The following ADARB2 variants were observed in gnomAD, a reference collection of about 807,000 sequenced individuals.
ADARB2 encodes inactive double-stranded RNA-specific editase B2.
In ADARB2, 25 loss-of-function variants were observed where a neutral mutation model predicts 62.2. That is an observed-to-expected ratio of 0.40 (90% confidence interval 0.29 to 0.56). ADARB2 has a LOEUF of 0.56. Among genes scored for constraint, ADARB2 ranks in the 20% least tolerant of loss-of-function variants. The pLI is 0.43. For synonymous variants in ADARB2, 572 were observed against 500.8 expected (o/e 1.14, Z -1.90); for missense variants, 1,071 against 1,077.4 (o/e 0.99, Z 0.08).
intron 1 of ADARB2, among the ~76,000 whole-genome samples, chr10:1,643,667 C>T (rs1834003423): frequency 6.6e-6 from 1 of 152,234 alleles, no homozygotes; most frequent in Admixed American, 6.5e-5. Flanking sequence ...GCTCCTGGTT[C>T]CCTATCCCTT....
chr10:1,509,854 T>C (rs1831898886), intron 1 of ADARB2, among the ~76,000 whole-genome samples: 1 of 152,234 alleles, frequency 6.6e-6, no homozygotes, highest in Non-Finnish European at 1.5e-5. Flanking sequence ...TAAAGCCATG[T>C]CTGTGGTACA....
At chr10:1,586,502 G>A (rs970756127) in intron 1 of ADARB2, among the ~76,000 whole-genome samples, 1 of 152,188 alleles carries the variant, frequency 6.6e-6, no homozygotes, top group Non-Finnish European at 1.5e-5. Context: ...ATCAATGCAG[G>A]CTGGCATTTC....
intron 4 of ADARB2, among the ~76,000 whole-genome samples, chr10:1,253,015 C>T (rs1237864285): frequency 6.6e-6 from 1 of 152,208 alleles, no homozygotes; most frequent in African/African-American, 2.4e-5. Flanking sequence ...GATAACAAAG[C>T]ACTGTAGTCA....
intron 1 of ADARB2, among the ~76,000 whole-genome samples, chr10:1,498,065 C>T (rs532750270): frequency 3.3e-5 from 5 of 152,142 alleles, no homozygotes; most frequent in Admixed American, 6.6e-5. Context: ...TGGTATAAGT[C>T]AGTAGATGCC....
chr10:1,413,579 C>A (rs1832776804), intron 1 of ADARB2, among the ~76,000 whole-genome samples: 1 of 152,116 alleles, frequency 6.6e-6, no homozygotes, highest in African/African-American at 2.4e-5. Flanking sequence ...CTCCTATCGG[C>A]CCTGTTTTGC....
chr10:1,377,276 GGTGT>G (rs1212064844), intron 2 of ADARB2, among the ~76,000 whole-genome samples: 5 of 140,284 alleles, frequency 3.6e-5, no homozygotes, highest in Admixed American at 1.4e-4. Flanking sequence ...GTGCCCCTGG[GGTGT>G]GTGTATGTGC....
At chr10:1,638,714 G>C (rs1362204536) in intron 1 of ADARB2, among the ~76,000 whole-genome samples, 1 of 152,006 alleles carries the variant, frequency 6.6e-6, no homozygotes, top group Non-Finnish European at 1.5e-5. Flanking sequence ...TTTTTTGTAA[G>C]GTTGCTCATC....
chr10:1,309,097 A>G (rs1157358590), intron 3 of ADARB2, among the ~76,000 whole-genome samples: 3 of 152,156 alleles, frequency 2.0e-5, no homozygotes, highest in Non-Finnish European at 4.4e-5. Flanking sequence ...CCACACAGAC[A>G]TTTTTGTGTG....
chr10:1,373,876 A>G (rs111737409), intron 2 of ADARB2, among the ~76,000 whole-genome samples: 11,574 of 134,680 alleles, frequency 0.086, 1,486 homozygotes, highest in East Asian at 0.4. Context: ...TTCCTAGTGA[A>G]ACCGCGTGGG....
intron 1 of ADARB2, among the ~76,000 whole-genome samples, chr10:1,404,840 C>A (rs1832693488): frequency 6.6e-6 from 1 of 152,236 alleles, no homozygotes; most frequent in Admixed American, 6.5e-5. Context: ...ATATTAGGAG[C>A]AACTTTCCCA....
intron 1 of ADARB2, among the ~76,000 whole-genome samples, chr10:1,605,503 A>C (rs756695736): frequency 3.3e-5 from 5 of 152,246 alleles, no homozygotes; most frequent in Admixed American, 6.5e-5. Flanking sequence ...TAAAAAGTCC[A>C]GGGTGACCAT....
intron 1 of ADARB2, among the ~76,000 whole-genome samples, chr10:1,673,314 ATGTGTGTGTGTG>A (rs66687699): frequency 2.0e-5 from 3 of 149,592 alleles, no homozygotes; most frequent in East Asian, 2.0e-4. Context: ...ATTTCATTTT[ATGTGTGTGTGTG>A]TGTGTGTGTG....
Position 1,546,674 on chromosome 10 carries a change from C to T in ADARB2, c.101-167514G>A, listed in dbSNP as rs78051149. The stretch of plus-strand genomic sequence containing the variant: ...AGATGCTAAAGCCTTTGCAGAAAGG[C>T]CACGTCCCGGCTGGAGGATGGTAAT... On this transcript the variant is annotated intron_variant, in intron 1 of 9. Transcript: ENST00000381312. 8.5e-3 allele frequency among the ~76,000 whole-genome samples: 1,295 copies of T among 152,358 alleles called. 15 individuals carry two copies. The highest frequency in any genetic ancestry group is 0.03 in the African/African-American group (1,239 of 41,584).
At chr10:1,309,074 C>T (rs1831660132) in intron 3 of ADARB2, among the ~76,000 whole-genome samples, 3 of 152,180 alleles carry the variant, frequency 2.0e-5, no homozygotes, top group African/African-American at 4.8e-5. Flanking sequence ...AAGTCCATGC[C>T]TCTGACAGCA....
At chr10:1,483,952 G>A in intron 1 of ADARB2, among the ~76,000 whole-genome samples, 1 of 152,146 alleles carries the variant, frequency 6.6e-6, no homozygotes, top group East Asian at 1.9e-4. Context: ...GAAAGTGTCA[G>A]CATCTCATTT....
chr10:1,189,021 A>G (rs1238643867), intron 8 of ADARB2, among the ~76,000 whole-genome samples: 2 of 150,580 alleles, frequency 1.3e-5, no homozygotes, highest in African/African-American at 5.0e-5. Flanking sequence ...CCTCACCGAC[A>G]TGGAAGGGCC....
intron 1 of ADARB2, among the ~76,000 whole-genome samples, chr10:1,523,983 C>T (rs1832107235): frequency 1.3e-5 from 2 of 152,080 alleles, no homozygotes; most frequent in African/African-American, 4.8e-5. Context: ...ATTCATTCAC[C>T]TATTCATTTT....
intron 1 of ADARB2, among the ~76,000 whole-genome samples, chr10:1,732,451 G>T (rs377761305): frequency 6.6e-6 from 1 of 151,900 alleles, no homozygotes; most frequent in South Asian, 2.1e-4. Context: ...ATTCAAACTC[G>T]CACGTCATAT....
At chr10:1,364,477 T>C (rs1832295773) in intron 2 of ADARB2, among the ~76,000 whole-genome samples, 2 of 152,230 alleles carry the variant, frequency 1.3e-5, no homozygotes, top group African/African-American at 4.8e-5. Context: ...GGTGAGTCCC[T>C]GGCCTTTCTC....
Sources: allele counts gnomAD v4.1 joint callset (sites outside exome capture counted in the v4.1 genomes callset), GRCh38; gene constraint gnomAD v4.1.1; transcripts MANE v1.5; gene names NCBI Gene and HGNC (gene_info 2026-07-23, HGNC 2026-07-21).